The following MARK4 variants were observed in gnomAD, a reference collection of about 807,000 sequenced individuals.
MARK4 encodes the protein MAP/microtubule affinity-regulating kinase 4.
A neutral mutation model predicts 81.5 loss-of-function variants in MARK4; 19 were observed. That is an observed-to-expected ratio of 0.23 (90% CI 0.16 to 0.34). The LOEUF (loss-of-function observed/expected upper bound fraction) is 0.34, where lower values mean the gene tolerates loss of function less well. Among genes scored for constraint, MARK4 ranks in the 10% least tolerant of loss-of-function variants. The pLI is 1.00. For missense variants in MARK4, 772 were observed against 1,058.8 expected (o/e 0.73, Z 3.76); for synonymous variants, 436 against 439.0 (o/e 0.99, Z 0.08).
In MARK4 at chr19:45,264,713, A is replaced by G; in HGVS notation, c.385A>G (p.Lys129Glu). The G allele has an allele frequency of 6.2e-7, 1 of 1,614,014 alleles. No individual in the cohort carries two copies. The highest frequency in any genetic ancestry group is 2.2e-5 in the East Asian group (1 of 44,874). Residue 129 changes from lysine (K) to glutamate (E), a missense_variant, in exon 5 of 17, where the codon AAG becomes GAG. By Grantham distance (56) the Lys-to-Glu change is moderately conservative. Around this residue, in one of 3 missense-constraint regions of MARK4, gnomAD observed 109 missense variants for 294.7 expected, o/e 0.37. Coordinates refer to ENST00000262891, the MANE Select transcript of MARK4 (RefSeq NM_001199867.2). ...GCTCTTTGAGGTGATTGAGACTGAG[A>G]AGACGCTGTACCTGGTGATGGAGTA... ...VKLFEVIETE[K>E]TLYLVMEYAS...
At position 45,264,927 on chromosome 19, in the gene MARK4, G is replaced by C; in HGVS notation, c.492+17G>C. The C allele has an allele frequency of 6.2e-7, 1 of 1,613,658 alleles. No individual in the cohort carries two copies. Among genetic ancestry groups the C allele is most frequent in the African/African-American group, 1.3e-5 (1 of 75,050 alleles). On this transcript the variant is annotated intron_variant, in intron 6 of 16. Transcript: ENST00000262891. The stretch of plus-strand genomic sequence containing the variant: ...TTCCGACAGGTTGGGGCAGGGCTGA[G>C]GGTGGGGCTGACTGGGTGCCTGGGT...
chr19:45,299,796 C>T lies in MARK4; in HGVS notation c.1878-15C>T, dbSNP rs1409153951. ...ATGTCCAGATTAGACACTCTGTCCC[C>T]CTCCCCTCCCCTAGGGTCGCAGACG... On this transcript the variant is annotated splice_polypyrimidine_tract_variant and intron_variant, in intron 15 of 16. Coordinates refer to ENST00000262891, the MANE Select transcript of MARK4 (RefSeq NM_001199867.2). 2.5e-6 allele frequency: 4 copies of T among 1,589,468 alleles called. No homozygotes were observed. Among genetic ancestry groups the T allele is most frequent in the African/African-American group, 1.3e-5 (1 of 74,148 alleles).
At chr19:45,263,436 C>A (rs1970406043) in intron 4 of MARK4, 69 bp downstream of exon 4, 1 of 1,598,402 alleles carries the variant, frequency 6.3e-7, no homozygotes, top group East Asian at 2.2e-5. Flanking sequence ...GGGGTGGTGG[C>A]AGTGGTTAGA....
At chr19:45,285,673 A>G (rs1970734031) in intron 12 of MARK4, among the ~76,000 whole-genome samples, 1 of 152,168 alleles carries the variant, frequency 6.6e-6, no homozygotes, top group Non-Finnish European at 1.5e-5. Flanking sequence ...TAACCTTCAG[A>G]ACTCCCCACA....
chr19:45,263,638 A>C lies in MARK4; in HGVS notation c.355+271A>C, dbSNP rs537967415. 2.6e-5 allele frequency among the ~76,000 whole-genome samples: 4 copies of C among 151,676 alleles called. No homozygotes were observed. The South Asian group carries it at 8.3e-4, about 32-fold the overall frequency. On this transcript the variant is annotated intron_variant, in intron 4 of 16. Transcript: ENST00000262891. ...GCGCCTGTAATCCCAGCTACTCGGGAGGCTGAGGCAGGAGAATTGCTTGAG... is the reference window on the plus strand; with the variant it reads ...GCGCCTGTAATCCCAGCTACTCGGGCGGCTGAGGCAGGAGAATTGCTTGAG...
In MARK4 at chr19:45,271,730, A is replaced by G. The variant is rs1341209001; in HGVS notation, c.786+22A>G. ...CAAGGTACCGAGAGGGGCTGGGTGC[A>G]GGGGCATCAGCCCCTCCCCACAGTC... On this transcript the variant is annotated intron_variant, in intron 8 of 16. Transcript: ENST00000262891. This position sits in a 1 kb window ranked among gnomAD's most constrained non-coding sequence, Gnocchi z 4.1. The G allele has an allele frequency of 6.2e-7, 1 of 1,604,040 alleles. No individual in the cohort carries two copies. Among genetic ancestry groups the G allele is most frequent in the South Asian group, 1.1e-5 (1 of 90,576 alleles).
intron 12 of MARK4, among the ~76,000 whole-genome samples, chr19:45,283,474 C>T (rs1464961320): frequency 6.7e-6 from 1 of 148,440 alleles, no homozygotes; most frequent in Non-Finnish European, 1.5e-5. Flanking sequence ...AGCTACTAAT[C>T]TACTTTCTAT....
chr19:45,287,363 G>A, intron 12 of MARK4, 84 bp from the exon 13 acceptor site: 1 of 958,826 alleles, frequency 1.0e-6, no homozygotes, highest in Non-Finnish European at 1.5e-6. Context: ...CCCACGTGAG[G>A]AATTCTCAGG....
At chr19:45,297,438 C>T (rs344805) in intron 14 of MARK4, among the ~76,000 whole-genome samples, 7,625 of 151,954 alleles carry the variant, frequency 0.05, 296 homozygotes, top group African/African-American at 0.1. Context: ...TGATTTGGAG[C>T]GGGTAGAGTT....
At chr19:45,300,481 G>A (rs1970954973) in intron 16 of MARK4, among the ~76,000 whole-genome samples, 1 of 151,926 alleles carries the variant, frequency 6.6e-6, no homozygotes, top group Non-Finnish European at 1.5e-5. Context: ...CCAGCAGGAG[G>A]CAAACATCTG....
chr19:45,279,734 C>G (rs551404314), intron 10 of MARK4, among the ~76,000 whole-genome samples: 116 of 152,210 alleles, frequency 7.6e-4, no homozygotes, highest in African/African-American at 2.5e-3. Flanking sequence ...GAGTATGCAG[C>G]CTTCAGGCAC....
chr19:45,275,987 C>T (rs926542561), intron 8 of MARK4, among the ~76,000 whole-genome samples: 3 of 152,096 alleles, frequency 2.0e-5, no homozygotes, highest in Non-Finnish European at 4.4e-5. Context: ...ACCCCCAACG[C>T]TCAATTCATT....
At chr19:45,262,451 A>G (rs1298583367) in intron 2 of MARK4, among the ~76,000 whole-genome samples, 2 of 152,168 alleles carry the variant, frequency 1.3e-5, no homozygotes, top group African/African-American at 4.8e-5. Context: ...TAAAGCGCAT[A>G]GTCCTTGTAG....
At chr19:45,283,924 C>T (rs1406875997) in intron 12 of MARK4, among the ~76,000 whole-genome samples, 2 of 152,138 alleles carry the variant, frequency 1.3e-5, no homozygotes, top group African/African-American at 4.8e-5. Flanking sequence ...TACTCTGGGA[C>T]AGGTACTAGG....
rs553948287 is a variant in MARK4 at position 45,273,317 on chromosome 19, G to A, written c.786+1609G>A. ...TTTGCTGCCCTCATCGGCATTGATG[G>A]CGCATTTGACAGTTAGTTGCAGACG... On this transcript the variant is annotated intron_variant, in intron 8 of 16. Coordinates refer to ENST00000262891, the MANE Select transcript of MARK4 (RefSeq NM_001199867.2). Among the ~76,000 whole-genome samples the A allele has an allele frequency of 2.0e-4, 30 of 152,292 alleles. No homozygotes were observed. The South Asian group carries it at 6.0e-3, about 30-fold the overall frequency.
In MARK4 at chr19:45,280,493, C is replaced by T. The variant is rs772328833; in HGVS notation, c.1116+10C>T. 4.3e-6 allele frequency: 7 copies of T among 1,613,864 alleles called. No individual in the cohort carries two copies. The highest frequency in any genetic ancestry group is 3.3e-5 in the South Asian group (3 of 91,074). On this transcript the variant is annotated intron_variant, in intron 11 of 16. Coordinates refer to ENST00000262891, the MANE Select transcript of MARK4 (RefSeq NM_001199867.2). ...GGGCAGGAAGACTGAGGTCAGGGGG[C>T]GCCAGGGGCCCTTGGGGACGCGTGA... is the stretch of plus-strand genomic sequence containing the variant.
At chr19:45,259,707 T>A (rs1344023259) in intron 2 of MARK4, among the ~76,000 whole-genome samples, 1 of 151,880 alleles carries the variant, frequency 6.6e-6, no homozygotes, top group African/African-American at 2.4e-5. Flanking sequence ...CTCAGGAGTT[T>A]GAGGCTGCGG....
chr19:45,302,577 T>C lies in MARK4; in HGVS notation c.2126T>C (p.Leu709Pro), dbSNP rs774567252. ...LHGGAGGPEPLSHFEVEVCQL... is the reference protein window; with the variant it reads ...LHGGAGGPEPPSHFEVEVCQL... ...GGGGGTGCGGGCGGGCCCGAGCCCC[T>C]GTCCCACTTCGAAGTGGAGGTCTGC... Residue 709 changes from leucine (L) to proline (P), a missense_variant, in exon 17 of 17, where the codon CTG (leucine) becomes CCG (proline). Coordinates refer to ENST00000262891, the MANE Select transcript of MARK4 (RefSeq NM_001199867.2). The surrounding 1 kb of genome is among the most constrained non-coding windows in gnomAD (Gnocchi z 4.9). The C allele has an allele frequency of 1.3e-6, 2 of 1,578,690 alleles. No homozygotes were observed. The highest frequency in any genetic ancestry group is 1.1e-5 in the South Asian group (1 of 89,696).
At chr19:45,255,989 G>A (rs957184084) in intron 1 of MARK4, among the ~76,000 whole-genome samples, 35 of 152,262 alleles carry the variant, frequency 2.3e-4, no homozygotes, top group African/African-American at 8.2e-4. Flanking sequence ...AGGACAGTAG[G>A]AACAGAACAT....
Sources: allele counts gnomAD v4.1 joint callset (sites outside exome capture counted in the v4.1 genomes callset), GRCh38; gene constraint gnomAD v4.1.1; regional missense constraint gnomAD v4.1.1; non-coding constraint Gnocchi (gnomAD v3.1); transcripts MANE v1.5; gene names NCBI Gene and HGNC (gene_info 2026-07-23, HGNC 2026-07-21).